NAALADL2: variants seen among roughly 807,000 people sequenced by gnomAD.
NAALADL2 encodes N-acetylated alpha-linked acidic dipeptidase like 2.
Under a neutral mutation model 87.2 loss-of-function variants are expected in NAALADL2, and 76 were observed. That is an observed-to-expected ratio of 0.87 (90% CI 0.72 to 1.05). The LOEUF (loss-of-function observed/expected upper bound fraction) is 1.05, where lower values mean the gene tolerates loss of function less well. NAALADL2 is among the 50% of genes least tolerant of loss of function. The pLI is 0.00. For synonymous variants in NAALADL2, 354 were observed against 331.0 expected (o/e 1.07, Z -0.75); for missense variants, 1,089 against 945.8 (o/e 1.15, Z -1.99).
intron 2 of NAALADL2, among the ~76,000 whole-genome samples, chr3:174,723,903 C>T (rs989215894): frequency 6.6e-6 from 1 of 151,732 alleles, no homozygotes; most frequent in African/African-American, 2.4e-5. Flanking sequence ...GGTTTGGCCG[C>T]TATTAGTACG....
chr3:175,417,440 C>G (rs1028791483), intron 5 of NAALADL2, among the ~76,000 whole-genome samples: 2 of 151,908 alleles, frequency 1.3e-5, no homozygotes, highest in East Asian at 1.9e-4. Flanking sequence ...CTGGAATAAA[C>G]GATGCCTTCA....
At chr3:175,192,606 GTTAA>G in intron 2 of NAALADL2, among the ~76,000 whole-genome samples, 1 of 152,010 alleles carries the variant, frequency 6.6e-6, no homozygotes, top group South Asian at 2.1e-4. Context: ...GTAGAAAATT[GTTAA>G]TTAATTTTCT....
chr3:175,429,732 T>C (rs760530850), intron 5 of NAALADL2, among the ~76,000 whole-genome samples: 12 of 152,140 alleles, frequency 7.9e-5, no homozygotes, highest in African/African-American at 2.2e-4. Context: ...ATTAGAATAC[T>C]ATTAGAATTA....
chr3:175,591,534 T>G (rs1027379171), intron 10 of NAALADL2, among the ~76,000 whole-genome samples: 4 of 151,950 alleles, frequency 2.6e-5, no homozygotes, highest in Non-Finnish European at 5.9e-5. Flanking sequence ...TGCTATGCAT[T>G]AAGAACAGAT....
At chr3:175,123,788 T>G (rs143256212) in intron 2 of NAALADL2, among the ~76,000 whole-genome samples, 21 of 152,106 alleles carry the variant, frequency 1.4e-4, no homozygotes, top group Middle Eastern at 3.4e-3. Flanking sequence ...CAATTGACCA[T>G]GTTAAATTTT....
In NAALADL2 at chr3:175,463,293, A is replaced by G. The variant is rs995339925; in HGVS notation, c.1235-108A>G. 34 of 650,148 alleles carry G rather than the reference A, an allele frequency of 5.2e-5. No individual in the cohort carries two copies. The Admixed American group carries it at 7.0e-4, about 13-fold the overall frequency. 40.3% of individuals were successfully genotyped at this position (650,148 alleles called of 1,614,324 possible). A position where few individuals can be genotyped will look rare whatever the true frequency, so the allele number is the denominator to read the frequency against. On this transcript the variant is annotated intron_variant, in intron 6 of 13. Transcript: ENST00000454872. ...ATAACTGGCTATCTGAGAACATTCA[A>G]TTCTGTGGAATTCTTTTGCTGATGA...
At chr3:174,872,753 C>T (rs551950729) in intron 1 of NAALADL2, among the ~76,000 whole-genome samples, 10 of 152,098 alleles carry the variant, frequency 6.6e-5, no homozygotes, top group African/African-American at 2.2e-4. Flanking sequence ...CACACACACA[C>T]ACATTTCATG....
intron 2 of NAALADL2, among the ~76,000 whole-genome samples, chr3:174,670,065 CTTATT>C (rs1726377661): frequency 6.6e-6 from 1 of 151,868 alleles, no homozygotes; most frequent in Non-Finnish European, 1.5e-5. Flanking sequence ...AGAAATGGAA[CTTATT>C]TTTGTGTGTC....
intron 1 of NAALADL2, among the ~76,000 whole-genome samples, chr3:174,521,696 T>C (rs1720307402): frequency 1.3e-5 from 2 of 149,696 alleles, no homozygotes; most frequent in African/African-American, 4.9e-5. Context: ...GAAAATCAAA[T>C]ACCACATGTT....
chr3:175,649,860 A>G (rs558981023), intron 11 of NAALADL2, among the ~76,000 whole-genome samples: 124 of 152,250 alleles, frequency 8.1e-4, no homozygotes, highest in African/African-American at 2.8e-3. Context: ...TTAGATTTTC[A>G]TATTTACTAT....
intron 4 of NAALADL2, among the ~76,000 whole-genome samples, chr3:175,286,843 G>A (rs1755032911): frequency 6.6e-6 from 1 of 152,096 alleles, no homozygotes; most frequent in Admixed American, 6.5e-5. Context: ...TGTAATTGCA[G>A]CCCTTTGGGA....
intron 13 of NAALADL2, among the ~76,000 whole-genome samples, chr3:175,760,756 G>C (rs1159037870): frequency 2.0e-5 from 3 of 152,114 alleles, no homozygotes; most frequent in Non-Finnish European, 4.4e-5. Flanking sequence ...TCTGTGTTTT[G>C]CCATTAGATC....
intron 2 of NAALADL2, among the ~76,000 whole-genome samples, chr3:174,677,494 C>T (rs957964585): frequency 3.9e-5 from 6 of 151,952 alleles, no homozygotes; most frequent in Admixed American, 1.3e-4. Context: ...CATTCTTATA[C>T]ACAGTCAATT....
At chr3:174,756,800 T>C (rs150810047) in intron 3 of NAALADL2, among the ~76,000 whole-genome samples, 17 of 152,354 alleles carry the variant, frequency 1.1e-4, no homozygotes, top group Admixed American at 2.0e-4. Context: ...TTCTCATACA[T>C]GCTCTGGCTT....
chr3:175,348,073 C>T (rs181684070), intron 5 of NAALADL2, among the ~76,000 whole-genome samples: 42 of 152,146 alleles, frequency 2.8e-4, no homozygotes, highest in East Asian at 9.7e-4. Context: ...TTGTTTGAGA[C>T]GGAATTTTGC....
At chr3:175,175,056 AT>A (rs1735512284) in intron 2 of NAALADL2, among the ~76,000 whole-genome samples, 1 of 152,036 alleles carries the variant, frequency 6.6e-6, no homozygotes, top group Non-Finnish European at 1.5e-5. Context: ...ATCATTAAAA[AT>A]TTCATAAGTA....
chr3:174,615,357 A>G (rs1578325585), intron 2 of NAALADL2, among the ~76,000 whole-genome samples: 1 of 152,248 alleles, frequency 6.6e-6, no homozygotes, highest in East Asian at 1.9e-4. Flanking sequence ...TTTTCTGCTG[A>G]TGGTTCACTT....
intron 9 of NAALADL2, among the ~76,000 whole-genome samples, chr3:175,574,586 T>G (rs1297562628): frequency 1.3e-5 from 2 of 152,154 alleles, no homozygotes; most frequent in East Asian, 3.9e-4. Flanking sequence ...GGAACTGTTC[T>G]GGCTCAGGGT....
At chr3:175,392,751 A>G in intron 5 of NAALADL2, among the ~76,000 whole-genome samples, 1 of 152,184 alleles carries the variant, frequency 6.6e-6, no homozygotes, top group Non-Finnish European at 1.5e-5. Flanking sequence ...AATAGAGACA[A>G]GACAGCTTAG....
Sources: gnomAD v4.1 joint callset for allele counts (sites outside exome capture counted in the v4.1 genomes callset) on GRCh38, gnomAD v4.1.1 for gene constraint, MANE v1.5 for transcripts, NCBI Gene and HGNC (gene_info 2026-07-23, HGNC 2026-07-21) for gene names.